CEP83: variants seen among roughly 807,000 people sequenced by gnomAD.
CEP83 encodes centrosomal protein 83.
Under a neutral mutation model 101.9 loss-of-function variants are expected in CEP83, and 70 were observed. The observed-to-expected ratio is 0.69, with a 90% CI of 0.57 to 0.84. CEP83 has a LOEUF of 0.84. CEP83 is among the 40% of genes least tolerant of loss of function. CEP83 has a pLI of 0.00. For missense variants in CEP83, 715 were observed against 787.2 expected (o/e 0.91, Z 1.10); for synonymous variants, 264 against 267.9 (o/e 0.99, Z 0.14).
the CEP83 span, among the ~76,000 whole-genome samples, chr12:94,290,659 AAGG>A: frequency 2.0e-5 from 3 of 152,218 alleles, no homozygotes; most frequent in Non-Finnish European, 2.9e-5. Flanking sequence ...GTGTAACCTG[AAGG>A]AGATTAGGTT....
chr12:94,409,541 A>G (rs1042500183), intron 4 of CEP83, among the ~76,000 whole-genome samples: 12 of 152,354 alleles, frequency 7.9e-5, no homozygotes, highest in African/African-American at 2.6e-4. Flanking sequence ...AAAGCACTGA[A>G]GCAGAAAATG....
chr12:94,349,356 C>A (rs1250279803), intron 11 of CEP83, among the ~76,000 whole-genome samples: 2 of 150,210 alleles, frequency 1.3e-5, no homozygotes, highest in Admixed American at 1.3e-4. Flanking sequence ...CAAGAATAAA[C>A]TTATTTCTCA....
intron 8 of CEP83, among the ~76,000 whole-genome samples, chr12:94,374,875 C>T (rs989381303): frequency 2.0e-5 from 3 of 152,168 alleles, no homozygotes; most frequent in Non-Finnish European, 4.4e-5. Flanking sequence ...AGTCCCATTG[C>T]ATAGACAAAG....
chr12:94,425,233 C>G (rs1259728712), intron 2 of CEP83, among the ~76,000 whole-genome samples: 1 of 152,096 alleles, frequency 6.6e-6, no homozygotes, highest in Non-Finnish European at 1.5e-5. Context: ...TGAGCATGCT[C>G]AGATGAGCCA....
At chr12:94,412,689 TTTTC>T in intron 2 of CEP83, 98 bp from the exon 3 acceptor site, 6 of 379,984 alleles carry the variant, frequency 1.6e-5, no homozygotes, top group Non-Finnish European at 2.2e-5. Context: ...ATTCTTTTTT[TTTTC>T]TTTTTTTTTT....
At chr12:94,420,215 T>C (rs2064613699) in intron 2 of CEP83, among the ~76,000 whole-genome samples, 1 of 152,120 alleles carries the variant, frequency 6.6e-6, no homozygotes, top group Non-Finnish European at 1.5e-5. Context: ...GGAAAAAAAC[T>C]AGCATTATCT....
chr12:94,328,589 T>A (rs1016306807), intron 14 of CEP83, among the ~76,000 whole-genome samples: 1 of 152,242 alleles, frequency 6.6e-6, no homozygotes, highest in Admixed American at 6.5e-5. Context: ...TCTGTTGCAC[T>A]CTTATGAATT....
the CEP83 span, among the ~76,000 whole-genome samples, chr12:94,297,813 C>G: frequency 6.6e-6 from 1 of 152,158 alleles, no homozygotes; most frequent in Non-Finnish European, 1.5e-5. Flanking sequence ...GGGTCAATGA[C>G]TATAAACCTA....
At chr12:94,330,298 T>C (rs919268282) in intron 14 of CEP83, among the ~76,000 whole-genome samples, 2 of 151,954 alleles carry the variant, frequency 1.3e-5, no homozygotes, top group African/African-American at 4.8e-5. Flanking sequence ...ACACACACTT[T>C]ATCATGTCCC....
At chr12:94,340,142 G>C (rs1161734835) in intron 11 of CEP83, among the ~76,000 whole-genome samples, 1 of 152,166 alleles carries the variant, frequency 6.6e-6, no homozygotes, top group Non-Finnish European at 1.5e-5. Flanking sequence ...GAAAAAAACA[G>C]AAAGCCCCAA....
At chr12:94,350,438 T>C (rs2060148106) in intron 11 of CEP83, among the ~76,000 whole-genome samples, 4 of 152,060 alleles carry the variant, frequency 2.6e-5, no homozygotes. Context: ...TACATACATA[T>C]AAAAGAATGA....
intron 14 of CEP83, among the ~76,000 whole-genome samples, chr12:94,318,583 G>C (rs572327902): frequency 6.6e-6 from 1 of 152,258 alleles, no homozygotes; most frequent in South Asian, 2.1e-4. Context: ...TTTGTAGTAT[G>C]TTCCTTCAAT....
At chr12:94,421,727 T>A (rs1439466943) in intron 2 of CEP83, among the ~76,000 whole-genome samples, 2 of 152,204 alleles carry the variant, frequency 1.3e-5, no homozygotes, top group African/African-American at 2.4e-5. Flanking sequence ...CAAACCTAGA[T>A]GATATCGCCT....
rs1969372422 is a variant in CEP83 at position 94,308,858 on chromosome 12, T to C, written c.2061A>G (p.Thr687=). The change falls in exon 17 of 17, where the codon ACA becomes ACG. Residue 687 remains threonine, a synonymous_variant. Transcript: ENST00000397809. ...LLRKRLEELE[T]TQRKQLEELG... is the part of the protein sequence containing the mutation. Reference sequence around the variant, plus strand: ...GTTCCTCTAGTTGTTTTCTTTGTGTTGTTTCCAGTTCTTCTAGTCTTTTGC... The same window carrying C: ...GTTCCTCTAGTTGTTTTCTTTGTGTCGTTTCCAGTTCTTCTAGTCTTTTGC... The C allele has an allele frequency of 1.2e-6, 2 of 1,613,102 alleles. No homozygotes were observed. Among genetic ancestry groups the C allele is most frequent in the Non-Finnish European group, 1.7e-6 (2 of 1,179,216 alleles).
the CEP83 span, among the ~76,000 whole-genome samples, chr12:94,289,714 C>A: frequency 6.6e-6 from 1 of 152,116 alleles, no homozygotes; most frequent in Non-Finnish European, 1.5e-5. Flanking sequence ...AAAAAGAAAA[C>A]GGAAACCTTT....
chr12:94,391,451 C>A (rs1192732987), intron 6 of CEP83, among the ~76,000 whole-genome samples: 1 of 152,118 alleles, frequency 6.6e-6, no homozygotes, highest in Non-Finnish European at 1.5e-5. Context: ...CACCACCAAG[C>A]CTCCCTTACA....
chr12:94,280,580 C>T, the CEP83 span, among the ~76,000 whole-genome samples: 2 of 152,178 alleles, frequency 1.3e-5, no homozygotes, highest in African/African-American at 2.4e-5. Flanking sequence ...TGCTAAGGCA[C>T]CCCTCTTCTG....
rs937176886 is a variant in CEP83 at position 94,395,284 on chromosome 12, T to G, written c.549+5566A>C. On this transcript the variant is annotated intron_variant, in intron 6 of 16. Coordinates refer to ENST00000397809, the MANE Select transcript of CEP83 (RefSeq NM_016122.3). ...ACCCGACATGGCACATGTATACCTATGTATCAAACCTACACGTTGTGCACA... is the reference window on the plus strand; with the variant it reads ...ACCCGACATGGCACATGTATACCTAGGTATCAAACCTACACGTTGTGCACA... Among the ~76,000 whole-genome samples, 3 of 151,604 alleles carry G rather than the reference T, an allele frequency of 2.0e-5. No individual in the cohort carries two copies. The South Asian group carries it at 6.2e-4, about 31-fold the overall frequency.
At chr12:94,277,369 T>A in the CEP83 span, among the ~76,000 whole-genome samples, 1 of 152,258 alleles carries the variant, frequency 6.6e-6, no homozygotes, top group East Asian at 1.9e-4. Flanking sequence ...ACATCAATAT[T>A]CAGATCATAG....
Sources: gnomAD v4.1 joint callset for allele counts (sites outside exome capture counted in the v4.1 genomes callset) on GRCh38, gnomAD v4.1.1 for gene constraint, MANE v1.5 for transcripts, NCBI Gene and HGNC (gene_info 2026-07-23, HGNC 2026-07-21) for gene names.